Variants in CPA1 observed in about 807,000 individuals in gnomAD.
CPA1 encodes carboxypeptidase A1, also known as carboxypeptidase A1 (pancreatic).
Under a neutral mutation model 48.7 loss-of-function variants are expected in CPA1, and 42 were observed. The ratio of observed to expected loss-of-function variants is 0.86; its 90% CI spans 0.67 to 1.11. CPA1 has a LOEUF of 1.11. CPA1 is among the 50% of genes most tolerant of loss of function. The pLI is 0.00. For missense variants in CPA1, 477 were observed against 544.7 expected (o/e 0.88, Z 1.24); for synonymous variants, 203 against 217.9 (o/e 0.93, Z 0.60).
Position 130,381,839 on chromosome 7 carries a change from C to A in CPA1, c.357C>A (p.Tyr119Ter), listed in dbSNP as rs782032191. 9 of 1,613,968 alleles carry A rather than the reference C, an allele frequency of 5.6e-6. No homozygotes were observed. The highest frequency in any genetic ancestry group is 7.6e-6 in the Non-Finnish European group (9 of 1,180,006). ...CGCGCTCCACCGACACTTTTAACTA[C>A]GCCACCTACCACACCCTGGAGGAGG... is the stretch of plus-strand genomic sequence containing the variant. ...SRARSTDTFN[Y>*]ATYHTLEEIY... Residue 119 changes from tyrosine (Y) to a stop codon, truncating the protein, a stop_gained, in exon 3 of 10, where the codon TAC (tyrosine) becomes TAA (stop). Transcript: ENST00000011292. LOFTEE classifies it high-confidence loss of function.
rs1554411842 is a variant in CPA1 at position 130,385,332 on chromosome 7, A to T, written c.974A>T (p.Asp325Val). 3 of 1,614,158 alleles carry T rather than the reference A, an allele frequency of 1.9e-6. No individual in the cohort carries two copies. The highest frequency in any genetic ancestry group is 2.5e-6 in the Non-Finnish European group (3 of 1,180,018). Residue 325 changes from aspartate (D) to valine (V), a missense_variant, in exon 8 of 10, where the codon GAC becomes GTC. Coordinates refer to ENST00000011292, the MANE Select transcript of CPA1 (RefSeq NM_001868.4). Reference sequence around the variant, plus strand: ...GGCTACAAAACAGAACCAGTCCCTGACCAGGATGAGCTGGTAGGCACTGAC... The same window carrying T: ...GGCTACAAAACAGAACCAGTCCCTGTCCAGGATGAGCTGGTAGGCACTGAC... The part of the protein sequence containing the change: ...PYGYKTEPVP[D>V]QDELDQLSKA...
In CPA1 at chr7:130,388,069, AAAGTTT is replaced by A; in HGVS notation, c.*59_*64del. 6.5e-7 allele frequency: 1 copy of A among 1,546,782 alleles called. No individual in the cohort carries two copies. The highest frequency in any genetic ancestry group is 2.2e-5 in the East Asian group (1 of 44,550). On this transcript the variant is annotated 3_prime_UTR_variant, in exon 10 of 10. Coordinates refer to ENST00000011292, the MANE Select transcript of CPA1 (RefSeq NM_001868.4). ...TCTGGCCCCATCCAGGCAACCAAATAAAGTTTGAGTGTACCAGGAACAGAATCCTGG... is the reference window on the plus strand; with the variant it reads ...TCTGGCCCCATCCAGGCAACCAAATAGAGTGTACCAGGAACAGAATCCTGG...
Position 130,381,092 on chromosome 7 carries a change from GC to G in CPA1, c.66-3del, listed in dbSNP as rs1796397062. The stretch of plus-strand genomic sequence containing the variant: ...GGTGCTCACTCCCCACTCCCACTCT[GC>G]CCAGGCATCAGGTGCTCCGAATCTC... On this transcript the variant is annotated splice_region_variant and splice_polypyrimidine_tract_variant and intron_variant, in intron 1 of 9. Coordinates refer to ENST00000011292, the MANE Select transcript of CPA1 (RefSeq NM_001868.4). 1.2e-6 allele frequency: 2 copies of G among 1,612,576 alleles called. No homozygotes were observed. The highest frequency in any genetic ancestry group is 1.7e-4 in the Middle Eastern group (1 of 5,926).
chr7:130,381,952 C>A, intron 3 of CPA1, 89 bp downstream of exon 3: 1 of 1,316,240 alleles, frequency 7.6e-7, no homozygotes, highest in Non-Finnish European at 1.1e-6. Flanking sequence ...CAGGGCCAGC[C>A]TGGGTGTGCG....
Position 130,381,798 on chromosome 7 carries a change from G to A in CPA1, c.316G>A (p.Ala106Thr), listed in dbSNP as rs200161199. 1.2e-6 allele frequency: 2 copies of A among 1,613,454 alleles called. No homozygotes were observed. Among genetic ancestry groups the A allele is most frequent in the Non-Finnish European group, 1.7e-6 (2 of 1,179,926 alleles). ...GGACGAGGAGCAGGAGCAGATGTTC[G>A]CCTTCCGGTCCCGGGCGCGCTCCAC... ...LLDEEQEQMF[A>T]FRSRARSTDT... The change falls in exon 3 of 10, where the codon GCC becomes ACC. Residue 106 changes from alanine (A) to threonine (T), a missense_variant. Physicochemically the swap from Ala to Thr is moderately conservative, Grantham distance 58 (BLOSUM62 0). Coordinates refer to ENST00000011292, the MANE Select transcript of CPA1 (RefSeq NM_001868.4).
chr7:130,385,173 C>T lies in CPA1; in HGVS notation c.815C>T (p.Ser272Leu), dbSNP rs911586927. ...GLSGASSNPC[S>L]ETYHGKFANS... ...TCCGGAGCCAGCAGTAACCCCTGCT[C>T]GGAGACTTACCACGGCAAGTTTGCC... The change falls in exon 8 of 10, where the codon TCG becomes TTG. Residue 272 changes from serine to leucine, a missense_variant. Ser to Leu is a moderately radical substitution (Grantham distance 145). Coordinates refer to ENST00000011292, the MANE Select transcript of CPA1 (RefSeq NM_001868.4). 17 of 1,614,074 alleles carry T rather than the reference C, an allele frequency of 1.1e-5. No homozygotes were observed. In the Admixed American group the frequency reaches 1.5e-4, roughly 14 times the overall value.
intron 6 of CPA1, chr7:130,384,281 G>A: frequency 1.8e-6 from 1 of 556,402 alleles, no homozygotes; most frequent in East Asian, 3.0e-5. Flanking sequence ...CCATCCTATG[G>A]CCTTCCCCAC....
At chr7:130,383,585 G>A in intron 5 of CPA1, 93 bp downstream of exon 5, 1 of 1,421,776 alleles carries the variant, frequency 7.0e-7, no homozygotes, top group Non-Finnish European at 9.9e-7. Flanking sequence ...CCATCCAGAA[G>A]CAGTGACCAC....
chr7:130,384,257 C>G lies in CPA1; in HGVS notation c.697-279C>G, dbSNP rs187843251. The stretch of plus-strand genomic sequence containing the variant: ...TCGCAGCTTCTTCGCCATATAGAAC[C>G]CTCTGGCCAAATGCCATCCTATGGC... On this transcript the variant is annotated intron_variant, in intron 6 of 9. Coordinates refer to ENST00000011292, the MANE Select transcript of CPA1 (RefSeq NM_001868.4). The G allele has an allele frequency of 9.4e-4, 495 of 528,296 alleles. 4 individuals are homozygous for G. In the East Asian group the frequency reaches 0.016, roughly 17 times the overall value. 32.7% of individuals were successfully genotyped at this position (528,296 alleles called of 1,614,324 possible). A position where few individuals can be genotyped will look rare whatever the true frequency, so the allele number is the denominator to read the frequency against.
At chr7:130,384,442 C>G in intron 6 of CPA1, 94 bp from the exon 7 acceptor site, 1 of 1,088,134 alleles carries the variant, frequency 9.2e-7, no homozygotes, top group Non-Finnish European at 1.4e-6. Context: ...CCTCAGTCCA[C>G]TCTGCTCTCT....
Position 130,388,095 on chromosome 7 carries a change from T to C in CPA1, c.*84T>C. The stretch of plus-strand genomic sequence containing the variant: ...AAGTTTGAGTGTACCAGGAACAGAA[T>C]CCTGGGGCTTGCATGTGGAGTGTCT... On this transcript the variant is annotated 3_prime_UTR_variant, in exon 10 of 10. Transcript: ENST00000011292. 1 of 1,383,272 alleles carries C rather than the reference T, an allele frequency of 7.2e-7. No homozygotes were observed. 85.7% of individuals were successfully genotyped at this position (1,383,272 alleles called of 1,614,324 possible).
chr7:130,382,726 C>T (rs1796423146), intron 4 of CPA1, among the ~76,000 whole-genome samples: 1 of 150,574 alleles, frequency 6.6e-6, no homozygotes, highest in Admixed American at 6.7e-5. Context: ...CTCACTGAAC[C>T]TCCACCTCCT....
In CPA1 at chr7:130,381,807, T is replaced by C. The variant is rs781895665; in HGVS notation, c.325T>C (p.Ser109Pro). Residue 109 changes from serine to proline, a missense_variant, in exon 3 of 10, where the codon TCC becomes CCC. Ser to Pro is a moderately conservative substitution (Grantham distance 74, BLOSUM62 -1). Transcript: ENST00000011292. ...EEQEQMFAFR[S>P]RARSTDTFNY... ...GCAGGAGCAGATGTTCGCCTTCCGG[T>C]CCCGGGCGCGCTCCACCGACACTTT... 2.5e-6 allele frequency: 4 copies of C among 1,614,060 alleles called. No homozygotes were observed. Among genetic ancestry groups the C allele is most frequent in the Middle Eastern group, 3.3e-4 (2 of 6,062 alleles).
rs781805242 is a variant in CPA1 at position 130,385,208 on chromosome 7, G to A, written c.850G>A (p.Val284Met). 6 of 1,614,118 alleles carry A rather than the reference G, an allele frequency of 3.7e-6. No homozygotes were observed. In the African/African-American group the frequency reaches 4.0e-5, roughly 11 times the overall value. ...TYHGKFANSE[V>M]EVKSIVDFVK... ...CCACGGCAAGTTTGCCAATTCCGAA[G>A]TGGAGGTCAAGTCCATTGTAGACTT... Residue 284 changes from valine (V) to methionine (M), a missense_variant, in exon 8 of 10, where the codon GTG becomes ATG. By Grantham distance (21) the Val-to-Met change is conservative (BLOSUM62 1). Transcript: ENST00000011292.
intron 5 of CPA1, 39 bp downstream of exon 5, chr7:130,383,531 G>A: frequency 6.4e-7 from 1 of 1,566,866 alleles, no homozygotes; most frequent in Non-Finnish European, 8.8e-7. Flanking sequence ...CACCTGGTGG[G>A]GCATTGGTGT....
Position 130,387,790 on chromosome 7 carries a change from T to C in CPA1, c.1073-34T>C. ...CCCGTGTAAATATTCCCAAAGTGATTGACCCTTTCTCTCCTATTTTACTCC... is the reference window on the plus strand; with the variant it reads ...CCCGTGTAAATATTCCCAAAGTGATCGACCCTTTCTCTCCTATTTTACTCC... On this transcript the variant is annotated intron_variant, in intron 9 of 9. Coordinates refer to ENST00000011292, the MANE Select transcript of CPA1 (RefSeq NM_001868.4). This position sits in a 1 kb window ranked among gnomAD's most constrained non-coding sequence, Gnocchi z 4.6. 2 of 1,593,756 alleles carry C rather than the reference T, an allele frequency of 1.3e-6. No individual in the cohort carries two copies. The highest frequency in any genetic ancestry group is 1.7e-6 in the Non-Finnish European group (2 of 1,163,434).
intron 9 of CPA1, 93 bp downstream of exon 9, chr7:130,386,016 C>G (rs1028729399): frequency 3.6e-6 from 4 of 1,114,568 alleles, no homozygotes; most frequent in Middle Eastern, 4.0e-4. Context: ...AAGGAAGTAG[C>G]CAAGGGCACC....
At chr7:130,385,998 C>T in intron 9 of CPA1, 75 bp downstream of exon 9, 1 of 1,377,240 alleles carries the variant, frequency 7.3e-7, no homozygotes, top group Non-Finnish European at 1.0e-6. Flanking sequence ...AGGGAGTATC[C>T]CTCATGGAAG....
chr7:130,388,029 C>G lies in CPA1; in HGVS notation c.*18C>G, dbSNP rs782325155. The G allele has an allele frequency of 1.9e-6, 3 of 1,612,660 alleles. No homozygotes were observed. The Admixed American group carries it at 5.0e-5, about 27-fold the overall frequency. On this transcript the variant is annotated 3_prime_UTR_variant, in exon 10 of 10. Coordinates refer to ENST00000011292, the MANE Select transcript of CPA1 (RefSeq NM_001868.4). ...CCTACTGAGCTGACCCTTTGACACC[C>G]TTCTTGTCCTCCTCTCTGGCCCCAT... is the stretch of plus-strand genomic sequence containing the variant.
Sources: allele counts gnomAD v4.1 joint callset (sites outside exome capture counted in the v4.1 genomes callset), GRCh38; gene constraint gnomAD v4.1.1; non-coding constraint Gnocchi (gnomAD v3.1); transcripts MANE v1.5; gene names NCBI Gene and HGNC (gene_info 2026-07-23, HGNC 2026-07-21).